SLC24A3: variants seen among roughly 807,000 people sequenced by gnomAD.
SLC24A3 encodes sodium/potassium/calcium exchanger 3.
In SLC24A3, 28 loss-of-function variants were observed where a neutral mutation model predicts 75.8. That is an observed-to-expected ratio of 0.37 (90% CI 0.27 to 0.51). SLC24A3 has a LOEUF of 0.51. SLC24A3 is among the 20% of genes least tolerant of loss of function. The pLI is 0.94. For missense variants in SLC24A3, 663 were observed against 847.8 expected, an observed-to-expected ratio of 0.78 and a Z score of 2.71; for synonymous variants, 372 against 334.1, an observed-to-expected ratio of 1.11 and a Z score of -1.24.
intron 3 of SLC24A3, among the ~76,000 whole-genome samples, chr20:19,552,712 A>G (rs6106101): frequency 0.91 from 137,790 of 152,154 alleles, 62,484 homozygotes; most frequent in Middle Eastern, 0.95. Context: ...CTTCTTTCTG[A>G]CCCCTCTTTA....
intron 16 of SLC24A3, among the ~76,000 whole-genome samples, chr20:19,720,553 T>C (rs201658458): frequency 1.3e-5 from 2 of 151,684 alleles, no homozygotes; most frequent in East Asian, 2.0e-4. Flanking sequence ...GGGAGGAACT[T>C]CTCACCTCCA....
chr20:19,618,631 G>T (rs1368426135), intron 6 of SLC24A3, among the ~76,000 whole-genome samples: 1 of 152,160 alleles, frequency 6.6e-6, no homozygotes, highest in Non-Finnish European at 1.5e-5. Context: ...TACCAACTAG[G>T]TGACCTTAAC....
chr20:19,305,076 C>A (rs913165618), intron 2 of SLC24A3, among the ~76,000 whole-genome samples: 1 of 152,164 alleles, frequency 6.6e-6, no homozygotes, highest in Non-Finnish European at 1.5e-5. Flanking sequence ...CTGCCATGGG[C>A]TGTCACATCC....
chr20:19,329,193 G>T lies in SLC24A3; in HGVS notation c.271+48106G>T, dbSNP rs151297668. Among the ~76,000 whole-genome samples the T allele has an allele frequency of 2.6e-4, 40 of 152,186 alleles. No individual in the cohort carries two copies. The East Asian group carries it at 6.0e-3, about 23-fold the overall frequency. ...TTTAGTTTTGCTACAGAAAGGTGAA[G>T]TAGTATAGTAGTTCATAGGGAAAAT... On this transcript the variant is annotated intron_variant, in intron 2 of 16. Coordinates refer to ENST00000328041, the MANE Select transcript of SLC24A3 (RefSeq NM_020689.4).
At chr20:19,308,659 G>A (rs1318852541) in intron 2 of SLC24A3, among the ~76,000 whole-genome samples, 1 of 152,190 alleles carries the variant, frequency 6.6e-6, no homozygotes, top group African/African-American at 2.4e-5. Flanking sequence ...TCTGAAATCA[G>A]TCATGTCATT....
At chr20:19,491,696 G>C (rs912741398) in intron 2 of SLC24A3, among the ~76,000 whole-genome samples, 5 of 152,168 alleles carry the variant, frequency 3.3e-5, no homozygotes, top group African/African-American at 4.8e-5. Flanking sequence ...TTCAAGAGGA[G>C]GACTTGTTTG....
At chr20:19,282,333 T>C (rs6035269) in intron 2 of SLC24A3, among the ~76,000 whole-genome samples, 59,948 of 152,122 alleles carry the variant, frequency 0.39, 12,317 homozygotes, top group African/African-American at 0.5. Context: ...AAATACCCTA[T>C]GTAGTCTATG....
At chr20:19,414,996 T>A (rs1986804243) in intron 2 of SLC24A3, among the ~76,000 whole-genome samples, 1 of 152,244 alleles carries the variant, frequency 6.6e-6, no homozygotes, top group Non-Finnish European at 1.5e-5. Context: ...TTTTACAGCC[T>A]TATAGTATGT....
chr20:19,426,813 G>T (rs1369327907), intron 2 of SLC24A3, among the ~76,000 whole-genome samples: 2 of 152,178 alleles, frequency 1.3e-5, no homozygotes, highest in Admixed American at 1.3e-4. Context: ...CGGCCATCCA[G>T]GTGGGTGATG....
At chr20:19,603,227 T>C (rs923547469) in intron 6 of SLC24A3, among the ~76,000 whole-genome samples, 2 of 152,138 alleles carry the variant, frequency 1.3e-5, no homozygotes, top group Non-Finnish European at 2.9e-5. Context: ...CTGGCTTAAC[T>C]TTTGTGGGGG....
At chr20:19,702,084 A>C (rs1001777413) in intron 15 of SLC24A3, among the ~76,000 whole-genome samples, 3 of 152,208 alleles carry the variant, frequency 2.0e-5, no homozygotes, top group African/African-American at 7.2e-5. Flanking sequence ...CTAACTTTGA[A>C]ATCTTCCTGA....
intron 1 of SLC24A3, among the ~76,000 whole-genome samples, chr20:19,274,216 G>A (rs1808061668): frequency 6.6e-6 from 1 of 151,116 alleles, no homozygotes; most frequent in Non-Finnish European, 1.5e-5. Flanking sequence ...GGGGACATTA[G>A]AGGGAGACCT....
chr20:19,693,137 A>C, intron 12 of SLC24A3, 122 bp from the exon 13 acceptor site: 1 of 1,051,340 alleles, frequency 9.5e-7, no homozygotes. Context: ...AAAAAGAGCA[A>C]TATAATAAGG....
At chr20:19,221,247 A>G (rs961896947) in intron 1 of SLC24A3, among the ~76,000 whole-genome samples, 4 of 152,192 alleles carry the variant, frequency 2.6e-5, no homozygotes, top group Admixed American at 2.6e-4. Context: ...CAATATGTGC[A>G]GGGACACTAA....
chr20:19,360,425 T>C (rs1985764699), intron 2 of SLC24A3, among the ~76,000 whole-genome samples: 2 of 152,230 alleles, frequency 1.3e-5, no homozygotes, highest in African/African-American at 2.4e-5. Flanking sequence ...CATGTGGATG[T>C]CACATCAACA....
At chr20:19,487,339 CTCTT>C (rs1341791972) in intron 2 of SLC24A3, among the ~76,000 whole-genome samples, 1 of 152,210 alleles carries the variant, frequency 6.6e-6, no homozygotes, top group Non-Finnish European at 1.5e-5. Flanking sequence ...CACCTTCATT[CTCTT>C]TCTTTTTCCC....
intron 2 of SLC24A3, among the ~76,000 whole-genome samples, chr20:19,514,345 C>A (rs80070000): frequency 1.4e-4 from 21 of 152,342 alleles, no homozygotes; most frequent in Admixed American, 7.8e-4. Context: ...ACATCCTTGT[C>A]GGAGGGTCTG....
At chr20:19,616,661 G>A (rs1183058993) in intron 6 of SLC24A3, among the ~76,000 whole-genome samples, 1 of 152,082 alleles carries the variant, frequency 6.6e-6, no homozygotes, top group Non-Finnish European at 1.5e-5. Context: ...TGGGTTCCAG[G>A]AAGTGTCTAA....
chr20:19,223,762 G>C (rs1248572750), intron 1 of SLC24A3, among the ~76,000 whole-genome samples: 1 of 152,208 alleles, frequency 6.6e-6, no homozygotes, highest in Non-Finnish European at 1.5e-5. Flanking sequence ...AGGAGATGAA[G>C]TCAGGTGCAT....
Sources: allele counts gnomAD v4.1 joint callset (sites outside exome capture counted in the v4.1 genomes callset), GRCh38; gene constraint gnomAD v4.1.1; transcripts MANE v1.5; gene names NCBI Gene and HGNC (gene_info 2026-07-23, HGNC 2026-07-21).